RCOR1: variants seen among roughly 807,000 people sequenced by gnomAD.
RCOR1 encodes the protein REST corepressor.
In RCOR1, 12 loss-of-function variants were observed where a neutral mutation model predicts 64.0. The observed-to-expected ratio is 0.19, with a 90% confidence interval of 0.12 to 0.30. RCOR1 has a LOEUF of 0.30. Among genes scored for constraint, RCOR1 ranks in the 10% least tolerant of loss-of-function variants. RCOR1 has a pLI of 1.00. For missense variants in RCOR1, 502 were observed against 621.2 expected (o/e 0.81, Z 2.04); for synonymous variants, 279 against 227.2 (o/e 1.23, Z -2.05).
chr14:102,613,039 G>A (rs1893664879), intron 2 of RCOR1, among the ~76,000 whole-genome samples: 1 of 151,850 alleles, frequency 6.6e-6, no homozygotes, highest in Non-Finnish European at 1.5e-5. Flanking sequence ...AGTATAGGTG[G>A]TTTTTTTGGT....
intron 4 of RCOR1, among the ~76,000 whole-genome samples, chr14:102,706,955 T>C (rs1297411813): frequency 1.3e-5 from 2 of 152,148 alleles, no homozygotes; most frequent in Non-Finnish European, 2.9e-5. Context: ...CCCTTGTTGC[T>C]GTACCTAACA....
At chr14:102,596,364 A>T (rs766464210) in intron 2 of RCOR1, among the ~76,000 whole-genome samples, 38 of 152,064 alleles carry the variant, frequency 2.5e-4, no homozygotes, top group Non-Finnish European at 4.0e-4. Flanking sequence ...CAGCCTTCCA[A>T]ATTACTGGGA....
At chr14:102,706,114 C>CAAAAAAAAAAAAAAAAAAAA (rs71119732) in intron 4 of RCOR1, among the ~76,000 whole-genome samples, 5 of 21,334 alleles carry the variant, frequency 2.3e-4, no homozygotes, top group Admixed American at 7.9e-4. Context: ...AACCCTGTCT[C>CAAAAAAAAAAAAAAAAAAAA]AAAAAAAAAA....
At chr14:102,652,292 A>T (rs1894609822) in intron 2 of RCOR1, among the ~76,000 whole-genome samples, 1 of 152,242 alleles carries the variant, frequency 6.6e-6, no homozygotes, top group Non-Finnish European at 1.5e-5. Flanking sequence ...CAGAGCTGGG[A>T]TTCCATTTCA....
chr14:102,680,817 A>G (rs1411535722), intron 2 of RCOR1, among the ~76,000 whole-genome samples: 1 of 151,972 alleles, frequency 6.6e-6, no homozygotes, highest in Non-Finnish European at 1.5e-5. Flanking sequence ...AAGAAGGTAA[A>G]CTCAAAGGCG....
At chr14:102,704,106 T>C (rs779576107) in intron 4 of RCOR1, among the ~76,000 whole-genome samples, 2 of 152,214 alleles carry the variant, frequency 1.3e-5, no homozygotes, top group Non-Finnish European at 2.9e-5. Context: ...GACTAGGGCT[T>C]TTGCCAGGGC....
chr14:102,712,703 AT>A (rs1895985638), intron 7 of RCOR1, among the ~76,000 whole-genome samples: 1 of 150,706 alleles, frequency 6.6e-6, no homozygotes, highest in Non-Finnish European at 1.5e-5. Flanking sequence ...CAAATTGGAA[AT>A]TGGTCGTTTT....
In RCOR1 at chr14:102,593,140, A is replaced by C. The variant is rs1316119592; in HGVS notation, c.254A>C (p.Asn85Thr). The change falls in exon 1 of 12, where the codon AAC (asparagine) becomes ACC (threonine). Residue 85 changes from asparagine to threonine, a missense_variant. By Grantham distance (65) the Asn-to-Thr change is moderately conservative. This residue lies in a region of RCOR1 where 242 missense variants were observed against 204.9 expected (regional missense o/e 1.18). Coordinates refer to ENST00000262241, the MANE Select transcript of RCOR1 (RefSeq NM_015156.4). Reference protein sequence around the residue: ...AAAPNGNSSSNSWEEGSSGSS... With the variant: ...AAAPNGNSSSTSWEEGSSGSS... ...GCGCCCAATGGCAACAGCAGCAGCA[A>C]CTCCTGGGAGGAAGGCAGCTCGGGC... The C allele has an allele frequency of 6.6e-7, 1 of 1,525,704 alleles. No individual in the cohort carries two copies. Among genetic ancestry groups the C allele is most frequent in the African/African-American group, 1.5e-5 (1 of 68,942 alleles). The allele number at this position is 1,525,704 out of a possible 1,614,324, so 94.5% of individuals were successfully genotyped here. A position where few individuals can be genotyped will look rare whatever the true frequency, so the allele number is the denominator to read the frequency against.
chr14:102,669,322 A>AAG (rs907301484), intron 2 of RCOR1, among the ~76,000 whole-genome samples: 15 of 151,940 alleles, frequency 9.9e-5, no homozygotes, highest in African/African-American at 3.6e-4. Context: ...AAAAAAAAAA[A>AAG]AGAGAAAAGA....
chr14:102,635,744 T>C (rs1894222261), intron 2 of RCOR1, among the ~76,000 whole-genome samples: 1 of 152,172 alleles, frequency 6.6e-6, no homozygotes, highest in Non-Finnish European at 1.5e-5. Context: ...GTTTAACTTT[T>C]TGGTCGAGTC....
At chr14:102,655,909 C>T (rs1330903287) in intron 2 of RCOR1, 14 of 877,926 alleles carry the variant, frequency 1.6e-5, no homozygotes, top group Admixed American at 1.3e-4. Flanking sequence ...GTCGAGATCG[C>T]GCCACTGCAC....
At chr14:102,604,645 CTTTAT>C (rs1893468102) in intron 2 of RCOR1, among the ~76,000 whole-genome samples, 1 of 152,048 alleles carries the variant, frequency 6.6e-6, no homozygotes, top group Non-Finnish European at 1.5e-5. Flanking sequence ...TAAGAGGCAC[CTTTAT>C]TTTATGTTTC....
At chr14:102,717,540 C>G (rs2139992403) in intron 8 of RCOR1, among the ~76,000 whole-genome samples, 1 of 152,296 alleles carries the variant, frequency 6.6e-6, no homozygotes, top group East Asian at 1.9e-4. Context: ...CCTGATCTCA[C>G]AGAATATGTC....
chr14:102,615,115 G>A (rs1221893837), intron 2 of RCOR1, among the ~76,000 whole-genome samples: 1 of 148,600 alleles, frequency 6.7e-6, no homozygotes, highest in Non-Finnish European at 1.5e-5. Flanking sequence ...ACAGGCGTGA[G>A]CCATAGTGCC....
At chr14:102,677,974 G>T (rs1171213902) in intron 2 of RCOR1, among the ~76,000 whole-genome samples, 1 of 151,782 alleles carries the variant, frequency 6.6e-6, no homozygotes, top group Admixed American at 6.6e-5. Flanking sequence ...CGAGGCTGGC[G>T]GATCACTCGC....
chr14:102,639,849 TTC>T lies in RCOR1; in HGVS notation c.362-42045_362-42044del, dbSNP rs1431472744. The stretch of plus-strand genomic sequence containing the variant: ...CTCAGCCTATTCATTCATTCATTCA[TTC>T]ATTCATTCATTCATGAGACGGAGTC... On this transcript the variant is annotated intron_variant, in intron 2 of 11. Coordinates refer to ENST00000262241, the MANE Select transcript of RCOR1 (RefSeq NM_015156.4). Among the ~76,000 whole-genome samples, 127 of 150,626 alleles carry T rather than the reference TTC, an allele frequency of 8.4e-4. 1 individual carries two copies. Among genetic ancestry groups the T allele is most frequent in the African/African-American group, 3.0e-3 (122 of 40,874 alleles).
rs544656134 is a variant in RCOR1 at position 102,707,156 on chromosome 14, G to GA, written c.499-187dup. Among the ~76,000 whole-genome samples the GA allele has an allele frequency of 4.0e-5, 6 of 151,698 alleles. No homozygotes were observed. The South Asian group carries it at 1.0e-3, about 26-fold the overall frequency. ...ACCTATAATAAAAATTACATCACCT[G>GA]AAAAAAAAGTATGTGTATATTACCA... On this transcript the variant is annotated intron_variant, in intron 4 of 11. Transcript: ENST00000262241.
intron 2 of RCOR1, among the ~76,000 whole-genome samples, chr14:102,658,197 C>T (rs1894764414): frequency 6.6e-6 from 1 of 152,032 alleles, no homozygotes. Context: ...CTGGTCTTGA[C>T]CTCTGAACCT....
At chr14:102,715,644 A>T (rs1202450917) in intron 8 of RCOR1, among the ~76,000 whole-genome samples, 1 of 152,084 alleles carries the variant, frequency 6.6e-6, no homozygotes, top group Non-Finnish European at 1.5e-5. Context: ...CAGCCTCCCA[A>T]AGTGTACTGA....
Sources: gnomAD v4.1 joint callset for allele counts (sites outside exome capture counted in the v4.1 genomes callset) on GRCh38, gnomAD v4.1.1 for gene constraint, gnomAD v4.1.1 regional missense constraint, MANE v1.5 for transcripts, NCBI Gene and HGNC (gene_info 2026-07-23, HGNC 2026-07-21) for gene names.